The following TMEM106C variants were observed in gnomAD, a reference collection of about 807,000 sequenced individuals.
TMEM106C encodes transmembrane protein 106C.
A neutral mutation model predicts 30.8 loss-of-function variants in TMEM106C; 27 were observed. That is an observed-to-expected ratio of 0.88 (90% CI 0.65 to 1.21). The LOEUF (loss-of-function observed/expected upper bound fraction) is 1.21, where lower values mean the gene tolerates loss of function less well. Ranked by LOEUF, TMEM106C falls within the 50% of genes most tolerant of loss-of-function variation. The pLI is 0.00. For synonymous variants in TMEM106C, 123 were observed against 118.8 expected (o/e 1.04, Z -0.23); for missense variants, 288 against 307.8 (o/e 0.94, Z 0.48).
chr12:47,963,980 G>A (rs1592183783), intron 1 of TMEM106C: 1 of 526,378 alleles, frequency 1.9e-6, no homozygotes, highest in East Asian at 3.4e-5. Flanking sequence ...GTGCGTGAAA[G>A]GCAGGCCCCG....
rs1319844554 is a variant in TMEM106C, at chr12:47,964,375, G to A, written c.139G>A (p.Asp47Asn). Residue 47 changes from aspartate to asparagine, a missense_variant, in exon 2 of 8, where the codon GAT (aspartate) becomes AAT (asparagine). Asp to Asn is a conservative substitution (Grantham distance 23). Transcript: ENST00000429772. ...CCCATATGTGGAATTCACCGGGAGA[G>A]ATAGCATCACCTGTCTCACGTGCCA... Reference protein sequence around the residue: ...QFPYVEFTGRDSITCLTCQGT... With the variant: ...QFPYVEFTGRNSITCLTCQGT... 2 of 1,614,204 alleles carry A rather than the reference G, an allele frequency of 1.2e-6. No homozygotes were observed. Among genetic ancestry groups the A allele is most frequent in the Non-Finnish European group, 1.7e-6 (2 of 1,180,036 alleles).
chr12:47,966,791 TACTCCATTG>T, intron 6 of TMEM106C, 59 bp downstream of exon 6: 1 of 1,588,284 alleles, frequency 6.3e-7, no homozygotes, highest in Non-Finnish European at 8.6e-7. Context: ...TTCAAAGTCA[TACTCCATTG>T]ATTGGGGCCT....
chr12:47,966,501 C>T, intron 5 of TMEM106C, 182 bp from the exon 6 acceptor site: 2 of 716,902 alleles, frequency 2.8e-6, no homozygotes, highest in Non-Finnish European at 4.6e-6. Flanking sequence ...GTCCATTGGC[C>T]TCTCAAAAGG....
At chr12:47,965,444 C>T (rs1048824025) in intron 3 of TMEM106C, 99 bp downstream of exon 3, 1 of 1,113,308 alleles carries the variant, frequency 9.0e-7, no homozygotes, top group Non-Finnish European at 1.3e-6. Context: ...TACACATGTT[C>T]TTATAAGTTC....
At position 47,968,686 on chromosome 12, in the gene TMEM106C, A is replaced by C. The variant is rs1432867847; in HGVS notation, c.*457A>C. The C allele has an allele frequency of 2.2e-5, 4 of 179,324 alleles. No individual in the cohort carries two copies. Among genetic ancestry groups the C allele is most frequent in the African/African-American group, 7.2e-5 (3 of 41,894 alleles). The allele number at this position is 179,324 out of a possible 1,614,324, so 11.1% of individuals were successfully genotyped here. On this transcript the variant is annotated 3_prime_UTR_variant, in exon 8 of 8. Transcript: ENST00000429772. The stretch of plus-strand genomic sequence containing the variant: ...AGAAAACAGACCTAGTCAGGATATG[A>C]ATTTGTTTCAGCTGTTCCCAAAGGC...
rs552525019 is a variant in TMEM106C at position 47,965,811 on chromosome 12, G to C, written c.252-27G>C. The C allele has an allele frequency of 5.5e-5, 88 of 1,612,222 alleles. 2 individuals are homozygous for C. The South Asian group carries it at 9.6e-4, about 18-fold the overall frequency. ...TGAACCTTGATATCTGACTGCCTGG[G>C]TCGGTCATGTGCTGTGTCATTTGCA... On this transcript the variant is annotated intron_variant, in intron 3 of 7. Coordinates refer to ENST00000429772, the MANE Select transcript of TMEM106C (RefSeq NM_001143842.2).
chr12:47,965,812 T>G (rs1227880989), intron 3 of TMEM106C, 26 bp from the exon 4 acceptor site: 1 of 1,612,142 alleles, frequency 6.2e-7, no homozygotes, highest in Non-Finnish European at 8.5e-7. Context: ...ACTGCCTGGG[T>G]CGGTCATGTG....
Position 47,968,428 on chromosome 12 carries a change from A to G in TMEM106C, c.*199A>G. On this transcript the variant is annotated 3_prime_UTR_variant, in exon 8 of 8. Transcript: ENST00000429772. ...ATTTATGTTTCTCAGAACCAGCAGA[A>G]TCAGTGCCTAGCCTGTGCCCAGCAA... 1.5e-6 allele frequency: 1 copy of G among 667,764 alleles called. No homozygotes were observed. The highest frequency in any genetic ancestry group is 2.0e-5 in the Admixed American group (1 of 48,916). 41.4% of individuals were successfully genotyped at this position (667,764 alleles called of 1,614,324 possible). A position where few individuals can be genotyped will look rare whatever the true frequency, so the allele number is the denominator to read the frequency against.
chr12:47,964,621 T>G (rs1302768677), intron 2 of TMEM106C, 198 bp downstream of exon 2: 1 of 588,290 alleles, frequency 1.7e-6, no homozygotes, highest in East Asian at 2.9e-5. Context: ...AACCCTTTCT[T>G]TTCTTTACCG....
intron 2 of TMEM106C, 66 bp downstream of exon 2, chr12:47,964,489 C>G: frequency 6.5e-7 from 1 of 1,533,950 alleles, no homozygotes; most frequent in South Asian, 1.2e-5. Flanking sequence ...CCTGTCTGCC[C>G]AGACAACTTT....
rs762197770 is a variant in TMEM106C at position 47,966,139 on chromosome 12, C to A, written c.462C>A (p.Ser154Arg). ...NSNFYTVAVT[S>R]LSSQIQYMNT... Reference sequence around the variant, plus strand: ...ACTTCTACACGGTGGCAGTGACCAGCCTGTCCAGCCAGATTCAGTACATGA... The same window carrying A: ...ACTTCTACACGGTGGCAGTGACCAGACTGTCCAGCCAGATTCAGTACATGA... The change falls in exon 5 of 8, where the codon AGC (serine) becomes AGA (arginine). Residue 154 changes from serine to arginine, a missense_variant. Physicochemically the swap from Ser to Arg is moderately radical, Grantham distance 110. Coordinates refer to ENST00000429772, the MANE Select transcript of TMEM106C (RefSeq NM_001143842.2). 1.9e-6 allele frequency: 3 copies of A among 1,614,182 alleles called. No homozygotes were observed. The highest frequency in any genetic ancestry group is 2.5e-6 in the Non-Finnish European group (3 of 1,180,024).
intron 6 of TMEM106C, 131 bp from the exon 7 acceptor site, chr12:47,967,077 G>T: frequency 1.1e-6 from 1 of 905,422 alleles, no homozygotes; most frequent in South Asian, 1.4e-5. Context: ...ACTGAGAGCT[G>T]ACAAGCCTTG....
At position 47,966,745 on chromosome 12, in the gene TMEM106C, TTCTC is replaced by T. The variant is rs1483278009; in HGVS notation, c.602+17_602+20del. 11 of 1,613,850 alleles carry T rather than the reference TTCTC, an allele frequency of 6.8e-6. No individual in the cohort carries two copies. The highest frequency in any genetic ancestry group is 9.3e-6 in the Non-Finnish European group (11 of 1,179,734). Reference sequence around the variant, plus strand: ...TTTCCTATGTGTAGTAAGGACACTGTTCTCTCTGTGTGTGCTCTCTACTGGAGGA... The same window carrying T: ...TTTCCTATGTGTAGTAAGGACACTGTTCTGTGTGTGCTCTCTACTGGAGGA... On this transcript the variant is annotated intron_variant, in intron 6 of 7. Transcript: ENST00000429772.
At chr12:47,966,930 TG>T in intron 6 of TMEM106C, 198 bp downstream of exon 6, 1 of 643,552 alleles carries the variant, frequency 1.6e-6, no homozygotes, top group Non-Finnish European at 2.7e-6. Context: ...ATTTGATATG[TG>T]ACAGAAGTGC....
chr12:47,967,281 C>T lies in TMEM106C; in HGVS notation c.656+20C>T. ...CATGCGGTGCGTCTCTCTTCCCTATCCCGATGGCCTGTCCGGCCATGTGAG... is the reference window on the plus strand; with the variant it reads ...CATGCGGTGCGTCTCTCTTCCCTATTCCGATGGCCTGTCCGGCCATGTGAG... On this transcript the variant is annotated intron_variant, in intron 7 of 7. Transcript: ENST00000429772. The T allele has an allele frequency of 1.2e-6, 2 of 1,614,032 alleles. No homozygotes were observed. Among genetic ancestry groups the T allele is most frequent in the Middle Eastern group, 1.6e-4 (1 of 6,062 alleles).
In TMEM106C at chr12:47,968,734, G is replaced by GA. The variant is rs1178012574; in HGVS notation, c.*511dup. 2 of 148,810 alleles carry GA rather than the reference G, an allele frequency of 1.3e-5. No homozygotes were observed. The highest frequency in any genetic ancestry group is 2.8e-5 in the Non-Finnish European group (2 of 70,400). 9.2% of individuals were successfully genotyped at this position (148,810 alleles called of 1,614,324 possible). On this transcript the variant is annotated 3_prime_UTR_variant, in exon 8 of 8. Coordinates refer to ENST00000429772, the MANE Select transcript of TMEM106C (RefSeq NM_001143842.2). ...GGCCTGGGAGCTTTTTGAAAAGAAA[G>GA]AAAAAAGTGTGTTGGCTTTTTTTTT... is the stretch of plus-strand genomic sequence containing the variant.
chr12:47,968,148 T>G lies in TMEM106C; in HGVS notation c.672T>G (p.Ile224Met). The stretch of plus-strand genomic sequence containing the variant: ...TTTTCCCTAGAACTTCAGTGAAGAT[T>G]TCATACATTGGCCTCATGACCCAGA... ...IVIFMRTSVK[I>M]SYIGLMTQSS... is the part of the protein sequence containing the mutation. Residue 224 changes from isoleucine to methionine, a missense_variant, in exon 8 of 8, where the codon ATT (isoleucine) becomes ATG (methionine). By Grantham distance (10) the Ile-to-Met change is conservative (BLOSUM62 1). Transcript: ENST00000429772. 6.2e-7 allele frequency: 1 copy of G among 1,613,444 alleles called. No individual in the cohort carries two copies.
At chr12:47,967,760 T>C (rs1938288358) in intron 7 of TMEM106C, among the ~76,000 whole-genome samples, 2 of 152,130 alleles carry the variant, frequency 1.3e-5, no homozygotes, top group African/African-American at 4.8e-5. Context: ...GGGCCAGACC[T>C]TTGTTGTAGG....
intron 1 of TMEM106C, 174 bp downstream of exon 1, chr12:47,963,878 T>G: frequency 2.9e-6 from 1 of 343,942 alleles, no homozygotes; most frequent in Admixed American, 4.4e-5. Context: ...AGGAGGGGCA[T>G]AGAGCTTACA....
Sources: gnomAD v4.1 joint callset for allele counts (sites outside exome capture counted in the v4.1 genomes callset) on GRCh38, gnomAD v4.1.1 for gene constraint, MANE v1.5 for transcripts, NCBI Gene and HGNC (gene_info 2026-07-23, HGNC 2026-07-21) for gene names.